BRD10: variants seen among roughly 807,000 people sequenced by gnomAD.
The protein encoded by BRD10 is bromodomain containing 10.
chr9:5,988,957 G>A, the BRD10 span, among the ~76,000 whole-genome samples: 1 of 152,142 alleles, frequency 6.6e-6, no homozygotes, highest in Non-Finnish European at 1.5e-5. Context: ...ACAGCCGGGT[G>A]CAGTGGCTCA....
the BRD10 span, among the ~76,000 whole-genome samples, chr9:5,982,775 T>TA: frequency 3.3e-5 from 5 of 152,224 alleles, no homozygotes; most frequent in African/African-American, 1.2e-4. Context: ...AGGCAGTTTT[T>TA]AGACTATGAG....
the BRD10 span, among the ~76,000 whole-genome samples, chr9:6,002,436 A>T: frequency 6.6e-6 from 1 of 152,130 alleles, no homozygotes; most frequent in African/African-American, 2.4e-5. Context: ...GTAAAGATTT[A>T]TATAAAAAAA....
chr9:5,997,376 T>C, the BRD10 span, among the ~76,000 whole-genome samples: 6 of 152,334 alleles, frequency 3.9e-5, no homozygotes, highest in African/African-American at 1.2e-4. Flanking sequence ...GATGCAAATG[T>C]TGCTTCTGCT....
the BRD10 span, among the ~76,000 whole-genome samples, chr9:5,941,424 G>A: frequency 6.6e-6 from 1 of 152,026 alleles, no homozygotes; most frequent in East Asian, 1.9e-4. Flanking sequence ...AAACTAAAGG[G>A]CTTTGTCAAA....
At chr9:5,994,869 C>A in the BRD10 span, among the ~76,000 whole-genome samples, 2 of 151,918 alleles carry the variant, frequency 1.3e-5, no homozygotes, top group East Asian at 1.9e-4. Flanking sequence ...CTTTCATTCT[C>A]CATAACAGCA....
chr9:6,008,035 C>A, the BRD10 span: 1 of 1,163,564 alleles, frequency 8.6e-7, no homozygotes, highest in East Asian at 4.1e-5. Context: ...CTCCTCTCCC[C>A]TCCCCCCCGG....
chr9:5,916,626 A>T, the BRD10 span, among the ~76,000 whole-genome samples: 1 of 151,900 alleles, frequency 6.6e-6, no homozygotes, highest in African/African-American at 2.4e-5. Flanking sequence ...ACTTTTTGTG[A>T]GGGCAGGAAA....
chr9:5,958,536 C>A, the BRD10 span, among the ~76,000 whole-genome samples: 3 of 152,094 alleles, frequency 2.0e-5, no homozygotes, highest in Non-Finnish European at 4.4e-5. Flanking sequence ...CCTGTGGTCC[C>A]AGCTACTTGG....
At chr9:5,881,891 G>C in the BRD10 span, among the ~76,000 whole-genome samples, 1 of 152,174 alleles carries the variant, frequency 6.6e-6, no homozygotes, top group Non-Finnish European at 1.5e-5. Context: ...CATGTGGCAG[G>C]CTCTGCGCCA....
At chr9:5,914,925 TG>T in the BRD10 span, among the ~76,000 whole-genome samples, 15 of 152,114 alleles carry the variant, frequency 9.9e-5, no homozygotes, top group African/African-American at 3.6e-4. Flanking sequence ...TTACAAAAAA[TG>T]TGAATAACAA....
chr9:5,969,507 T>G, the BRD10 span: 1 of 1,063,332 alleles, frequency 9.4e-7, no homozygotes, highest in Non-Finnish European at 1.3e-6. Flanking sequence ...TTAAGTATAT[T>G]TATCTTTAGC....
the BRD10 span, among the ~76,000 whole-genome samples, chr9:5,965,791 A>G: frequency 1.3e-5 from 2 of 152,236 alleles, no homozygotes; most frequent in Non-Finnish European, 2.9e-5. Context: ...AAAGAGTGAG[A>G]AAGTAAAGAC....
At chr9:5,889,797 T>A in the BRD10 span, among the ~76,000 whole-genome samples, 1 of 148,098 alleles carries the variant, frequency 6.8e-6, no homozygotes, top group East Asian at 2.0e-4. Context: ...AAAAAAAAAA[T>A]GTGTTTGAGC....
the BRD10 span, among the ~76,000 whole-genome samples, chr9:5,885,595 A>G: frequency 6.6e-6 from 1 of 150,704 alleles, no homozygotes; most frequent in African/African-American, 2.4e-5. Context: ...CTAGTCTTGA[A>G]CTCCTGACCT....
the BRD10 span, chr9:5,906,775 G>T: frequency 4.7e-6 from 3 of 644,810 alleles, no homozygotes; most frequent in East Asian, 3.0e-5. Context: ...GCAAGTAAGT[G>T]GCAGAACCTA....
chr9:5,969,030 G>C, the BRD10 span: 2 of 1,611,690 alleles, frequency 1.2e-6, no homozygotes, highest in Non-Finnish European at 1.7e-6. Flanking sequence ...AAAAACTGAG[G>C]ACACAACCCC....
the BRD10 span, among the ~76,000 whole-genome samples, chr9:5,926,288 T>TA: frequency 1.3e-4 from 20 of 152,134 alleles, no homozygotes; most frequent in Non-Finnish European, 2.8e-4. Flanking sequence ...CTCTGTCACT[T>TA]ACCAGTTGTA....
chr9:5,915,224 G>C, the BRD10 span, among the ~76,000 whole-genome samples: 1 of 151,886 alleles, frequency 6.6e-6, no homozygotes, highest in Non-Finnish European at 1.5e-5. Flanking sequence ...CTAGATACCT[G>C]ATTATGCCAA....
chr9:5,937,302 C>G, the BRD10 span, among the ~76,000 whole-genome samples: 2 of 150,766 alleles, frequency 1.3e-5, no homozygotes, highest in Non-Finnish European at 3.0e-5. Context: ...TCTGGGAGGC[C>G]GAGGCGGGTG....
Sources: allele counts gnomAD v4.1 joint callset (sites outside exome capture counted in the v4.1 genomes callset), GRCh38; gene constraint gnomAD v4.1.1; transcripts MANE v1.5; gene names NCBI Gene and HGNC (gene_info 2026-07-23, HGNC 2026-07-21).